Variants in AOPEP observed in about 807,000 individuals in gnomAD.
AOPEP encodes the protein aminopeptidase O (putative), also known as aminopeptidase O.
In AOPEP, 77 loss-of-function variants were observed where a neutral mutation model predicts 98.1. That is an observed-to-expected ratio of 0.78 (90% CI 0.65 to 0.95). The LOEUF is 0.95. AOPEP is among the 40% of genes least tolerant of loss of function. The pLI is 0.00. For missense variants in AOPEP, 1,024 were observed against 1,024.7 expected, an observed-to-expected ratio of 1.00 and a Z score of 0.01; for synonymous variants, 346 against 365.3, an observed-to-expected ratio of 0.95 and a Z score of 0.60.
At chr9:95,125,262 A>G in the AOPEP span, 1 of 1,159,460 alleles carries the variant, frequency 8.6e-7, no homozygotes, top group Non-Finnish European at 1.3e-6. Context: ...TGTATAAGGG[A>G]AAAGTAGAAA....
the AOPEP span, chr9:95,107,470 C>T: frequency 1.7e-5 from 11 of 639,722 alleles, no homozygotes; most frequent in East Asian, 1.6e-4. Flanking sequence ...GACTTTCTTT[C>T]GTCTTGCTCA....
At chr9:94,962,729 TC>T (rs927904152) in intron 9 of AOPEP, among the ~76,000 whole-genome samples, 1 of 147,874 alleles carries the variant, frequency 6.8e-6, no homozygotes, top group Non-Finnish European at 1.5e-5. Flanking sequence ...AATATTATCA[TC>T]TTTTTTTTTT....
intron 13 of AOPEP, among the ~76,000 whole-genome samples, chr9:95,027,480 A>G (rs1192609883): frequency 6.6e-6 from 1 of 152,022 alleles, no homozygotes; most frequent in Non-Finnish European, 1.5e-5. Context: ...TTGAGGAGTG[A>G]TGTTTTTGGT....
At chr9:94,735,512 GC>G (rs1316951560) in intron 1 of AOPEP, among the ~76,000 whole-genome samples, 6 of 152,064 alleles carry the variant, frequency 3.9e-5, no homozygotes, top group Non-Finnish European at 8.8e-5. Flanking sequence ...GAGCCACCGC[GC>G]CCGGCCAAGA....
chr9:95,114,792 G>T, the AOPEP span: 2 of 1,146,166 alleles, frequency 1.7e-6, no homozygotes, highest in South Asian at 1.2e-5. Context: ...ATGACCTGAA[G>T]AGTCTTTGGG....
chr9:94,889,842 G>T lies in AOPEP; in HGVS notation c.1365-34144G>T, dbSNP rs72748558. On this transcript the variant is annotated intron_variant, in intron 5 of 16. Transcript: ENST00000375315. ...CTTTCCACATCGTCACCATCATTTAGTGTTACCACTTTGTAATTTTAGCCA... is the reference window on the plus strand; with the variant it reads ...CTTTCCACATCGTCACCATCATTTATTGTTACCACTTTGTAATTTTAGCCA... Among the ~76,000 whole-genome samples the T allele has an allele frequency of 5.3e-3, 803 of 152,228 alleles. 12 individuals carry two copies. The highest frequency in any genetic ancestry group is 0.045 in the South Asian group (215 of 4,824).
intron 13 of AOPEP, chr9:95,019,640 T>G (rs949955106): frequency 7.9e-5 from 12 of 152,206 alleles, no homozygotes; most frequent in African/African-American, 2.7e-4. Flanking sequence ...AAAAGTGTAC[T>G]CTAGTTTTCT....
chr9:94,924,163 C>A lies in AOPEP; in HGVS notation c.1542C>A (p.Ala514=). ...FATHLEDVFW[A]TAQQLAPYEA... ...CTCACTTGGAGGATGTGTTTTGGGC[C>A]ACAGCACAGCAGGTGGGTTAAAGTG... The change falls in exon 6 of 17, where the codon GCC becomes GCA. Residue 514 remains alanine (A), a synonymous_variant. Coordinates refer to ENST00000375315, the MANE Select transcript of AOPEP (RefSeq NM_001193329.3). The A allele has an allele frequency of 7.1e-7, 1 of 1,416,104 alleles. No homozygotes were observed. 87.7% of individuals were successfully genotyped at this position (1,416,104 alleles called of 1,614,324 possible).
At chr9:94,921,680 C>T (rs1041970551) in intron 5 of AOPEP, among the ~76,000 whole-genome samples, 1 of 152,238 alleles carries the variant, frequency 6.6e-6, no homozygotes, top group Admixed American at 6.5e-5. Context: ...GAAGCCTTTT[C>T]CTTCATAGGG....
chr9:94,878,343 T>C (rs2047203205), intron 5 of AOPEP, among the ~76,000 whole-genome samples: 1 of 150,356 alleles, frequency 6.7e-6, no homozygotes, highest in African/African-American at 2.5e-5. Context: ...AGGGGCCCTT[T>C]TGTGTTGTGA....
intron 13 of AOPEP, among the ~76,000 whole-genome samples, chr9:95,044,270 CAT>C (rs773941539): frequency 1.3e-5 from 2 of 151,802 alleles, no homozygotes; most frequent in African/African-American, 2.4e-5. Context: ...TCTATTTTAA[CAT>C]ATTTTCATCA....
At chr9:94,809,000 A>G (rs1348581777) in intron 5 of AOPEP, among the ~76,000 whole-genome samples, 1 of 152,246 alleles carries the variant, frequency 6.6e-6, no homozygotes, top group Admixed American at 6.5e-5. Flanking sequence ...CATCCTATTG[A>G]AAGCGCAGTT....
chr9:94,873,414 G>A (rs140118606), intron 5 of AOPEP, among the ~76,000 whole-genome samples: 1 of 152,230 alleles, frequency 6.6e-6, no homozygotes, highest in African/African-American at 2.4e-5. Context: ...ACAAATATGT[G>A]GTGTGGTCCT....
At chr9:94,979,952 G>A (rs1307800529) in intron 11 of AOPEP, among the ~76,000 whole-genome samples, 1 of 152,138 alleles carries the variant, frequency 6.6e-6, no homozygotes, top group Non-Finnish European at 1.5e-5. Context: ...GTCTCAGGCC[G>A]GCCTTCTCAC....
chr9:94,772,895 A>G lies in AOPEP; in HGVS notation c.798-107A>G. 3.5e-6 allele frequency: 4 copies of G among 1,143,096 alleles called. No homozygotes were observed. The South Asian group carries it at 8.1e-5, about 23-fold the overall frequency. 70.8% of individuals were successfully genotyped at this position (1,143,096 alleles called of 1,614,324 possible). ...AAACCAGTCAACTACAAAGTTTCAAATGTTTTCTTTGAAAGCTCAACTTAA... is the reference window on the plus strand; with the variant it reads ...AAACCAGTCAACTACAAAGTTTCAAGTGTTTTCTTTGAAAGCTCAACTTAA... On this transcript the variant is annotated intron_variant, in intron 2 of 16. Transcript: ENST00000375315.
intron 13 of AOPEP, among the ~76,000 whole-genome samples, chr9:95,028,842 T>C (rs565053728): frequency 5.3e-5 from 8 of 152,344 alleles, no homozygotes; most frequent in African/African-American, 1.9e-4. Flanking sequence ...CTATTATAGA[T>C]AGAGCATTGT....
At chr9:94,998,448 T>TGGTA (rs1250948528) in intron 11 of AOPEP, among the ~76,000 whole-genome samples, 2 of 152,234 alleles carry the variant, frequency 1.3e-5, no homozygotes, top group Admixed American at 1.3e-4. Flanking sequence ...CTGTGCTCTC[T>TGGTA]GGTAGGGGTG....
intron 5 of AOPEP, among the ~76,000 whole-genome samples, chr9:94,891,378 G>A (rs1288212883): frequency 1.3e-5 from 2 of 152,012 alleles, no homozygotes; most frequent in Non-Finnish European, 2.9e-5. Flanking sequence ...CTTTTAAATT[G>A]GCATATTTAG....
At chr9:94,958,122 A>G (rs559450302) in intron 9 of AOPEP, among the ~76,000 whole-genome samples, 1 of 152,292 alleles carries the variant, frequency 6.6e-6, no homozygotes, top group East Asian at 1.9e-4. Flanking sequence ...TAGGTACCTC[A>G]TGTAAGTGGA....
Sources: allele counts gnomAD v4.1 joint callset (sites outside exome capture counted in the v4.1 genomes callset), GRCh38; gene constraint gnomAD v4.1.1; transcripts MANE v1.5; gene names NCBI Gene and HGNC (gene_info 2026-07-23, HGNC 2026-07-21).